Variants in PNPT1 observed in about 807,000 individuals in gnomAD.
The protein encoded by PNPT1 is polyribonucleotide nucleotidyltransferase 1, mitochondrial.
In PNPT1, 53 loss-of-function variants were observed where a neutral mutation model predicts 119.5. The ratio of observed to expected loss-of-function variants is 0.44; its 90% CI spans 0.36 to 0.56. PNPT1 has a LOEUF of 0.56. Among genes scored for constraint, PNPT1 ranks in the 20% least tolerant of loss-of-function variants. The pLI is 0.00. For missense variants in PNPT1, 948 were observed against 938.5 expected (o/e 1.01, Z -0.13); for synonymous variants, 357 against 322.1 (o/e 1.11, Z -1.16).
intron 8 of PNPT1, among the ~76,000 whole-genome samples, chr2:55,673,680 C>T (rs1027438633): frequency 6.6e-6 from 1 of 152,052 alleles, no homozygotes; most frequent in African/African-American, 2.4e-5. Context: ...AATCTCCTGA[C>T]CTTGTGATCT....
intron 4 of PNPT1, 90 bp from the exon 5 acceptor site, chr2:55,683,924 T>A (rs960208526): frequency 1.6e-6 from 2 of 1,285,474 alleles, no homozygotes; most frequent in East Asian, 2.3e-5. Context: ...AGCCATTCAA[T>A]ATGTTTTCAA....
At chr2:55,690,389 G>A (rs372089432) in intron 1 of PNPT1, among the ~76,000 whole-genome samples, 10 of 152,134 alleles carry the variant, frequency 6.6e-5, no homozygotes, top group East Asian at 5.8e-4. Context: ...ACTCAGTTTC[G>A]GCAACATTCT....
Position 55,661,987 on chromosome 2 carries a change from T to A in PNPT1, c.1216A>T (p.Ile406Phe). The A allele has an allele frequency of 6.3e-7, 1 of 1,576,986 alleles. No homozygotes were observed. Among genetic ancestry groups the A allele is most frequent in the Non-Finnish European group, 8.6e-7 (1 of 1,168,326 alleles). Reference protein sequence around the residue: ...TVTFDSLESGIKSDQVITAIN... With the variant: ...TVTFDSLESGFKSDQVITAIN... The stretch of plus-strand genomic sequence containing the variant: ...GCTGTTATAACTTGATCTGACTTAA[T>A]ACCAGATTCTAATGAATCAAATGTA... The change falls in exon 14 of 28, where the codon ATT (isoleucine) becomes TTT (phenylalanine). Residue 406 changes from isoleucine (I) to phenylalanine (F), a missense_variant. Transcript: ENST00000447944.
At chr2:55,668,651 G>A (rs1188960572) in intron 11 of PNPT1, among the ~76,000 whole-genome samples, 2 of 151,942 alleles carry the variant, frequency 1.3e-5, no homozygotes, top group Admixed American at 1.3e-4. Flanking sequence ...CCAGGCTAGA[G>A]TGCAATGGCA....
intron 5 of PNPT1, among the ~76,000 whole-genome samples, chr2:55,681,342 G>T (rs1697241721): frequency 6.6e-6 from 1 of 152,128 alleles, no homozygotes; most frequent in African/African-American, 2.4e-5. Context: ...AGGAGGCAGA[G>T]GTTGCAGTGA....
intron 17 of PNPT1, 29 bp from the exon 18 acceptor site, chr2:55,654,982 T>C (rs887592916): frequency 1.9e-6 from 3 of 1,578,334 alleles, no homozygotes; most frequent in Non-Finnish European, 2.6e-6. Context: ...CTGCTTTATA[T>C]TAAACTGATT....
rs1696302664 is a variant in PNPT1 at position 55,654,094 on chromosome 2, TAAA to T, written c.1495+803_1495+805del. Among the ~76,000 whole-genome samples, 4 of 152,106 alleles carry T rather than the reference TAAA, an allele frequency of 2.6e-5. No individual in the cohort carries two copies. In the South Asian group the frequency reaches 6.2e-4, roughly 24 times the overall value. ...CAATATGGTGAAACCCCGTCTCGACTAAAAATACAAAAATTAGCCAGGCGTGGT... is the reference window on the plus strand; with the variant it reads ...CAATATGGTGAAACCCCGTCTCGACTAATACAAAAATTAGCCAGGCGTGGT... On this transcript the variant is annotated intron_variant, in intron 18 of 27. Coordinates refer to ENST00000447944, the MANE Select transcript of PNPT1 (RefSeq NM_033109.5).
intron 14 of PNPT1, among the ~76,000 whole-genome samples, chr2:55,660,958 C>T (rs1182980348): frequency 1.3e-5 from 2 of 152,002 alleles, no homozygotes; most frequent in African/African-American, 2.4e-5. Context: ...AAAGGAGGGC[C>T]GAGCCTTGTG....
At chr2:55,638,166 G>A (rs566129604) in intron 26 of PNPT1, among the ~76,000 whole-genome samples, 17 of 151,856 alleles carry the variant, frequency 1.1e-4, no homozygotes, top group African/African-American at 3.4e-4. Context: ...GCTGGGTGTC[G>A]TGGCACACGC....
At chr2:55,672,168 A>G (rs1165780722) in intron 9 of PNPT1, 122 bp from the exon 10 acceptor site, 2 of 713,218 alleles carry the variant, frequency 2.8e-6, no homozygotes, top group Admixed American at 6.1e-5. Context: ...TACTTCAGAA[A>G]GAATTGAAAA....
At chr2:55,637,244 C>G (rs189179746) in intron 27 of PNPT1, among the ~76,000 whole-genome samples, 2 of 152,292 alleles carry the variant, frequency 1.3e-5, no homozygotes, top group Admixed American at 6.5e-5. Context: ...AACAAGTTAC[C>G]TTATCACAGT....
intron 2 of PNPT1, 112 bp from the exon 3 acceptor site, chr2:55,686,556 C>T (rs1697411535): frequency 1.4e-6 from 1 of 712,206 alleles, no homozygotes; most frequent in Non-Finnish European, 2.3e-6. Context: ...ATATCTAATT[C>T]TACGACACGA....
At chr2:55,647,302 T>G (rs1438243164) in intron 19 of PNPT1, 45 bp downstream of exon 19, 1 of 1,415,142 alleles carries the variant, frequency 7.1e-7, no homozygotes, top group Admixed American at 2.0e-5. Flanking sequence ...ATTTATTTAT[T>G]TTTAGTCTTC....
In PNPT1 at chr2:55,637,534, A is replaced by C; in HGVS notation, c.2196+18T>G. On this transcript the variant is annotated intron_variant, in intron 27 of 27. Transcript: ENST00000447944. ...GAACAATTTACAACTTCAAGGCTAA[A>C]AGGTGGAATACAAATACCTGAATTT... 1 of 1,583,248 alleles carries C rather than the reference A, an allele frequency of 6.3e-7. No homozygotes were observed. The highest frequency in any genetic ancestry group is 8.7e-7 in the Non-Finnish European group (1 of 1,152,302).
intron 25 of PNPT1, 68 bp downstream of exon 25, chr2:55,643,090 G>C (rs1695883478): frequency 6.5e-7 from 1 of 1,532,460 alleles, no homozygotes; most frequent in Non-Finnish European, 9.0e-7. Context: ...TCCCACTGTG[G>C]GTGGCAGGGT....
intron 15 of PNPT1, 147 bp from the exon 16 acceptor site, chr2:55,656,518 C>T (rs573255528): frequency 2.9e-5 from 21 of 719,328 alleles, no homozygotes; most frequent in East Asian, 5.5e-5. Context: ...ATACAGAAAA[C>T]GTATGATATA....
rs17047170 is a variant in PNPT1 at position 55,680,169 on chromosome 2, T to C, written c.566-374A>G. ...CCTGACCACACAAAATCAAATCTGC[T>C]CTTCTCTATCATATTCTTAGCACTT... On this transcript the variant is annotated intron_variant, in intron 7 of 27. Transcript: ENST00000447944. Among the ~76,000 whole-genome samples the C allele has an allele frequency of 7.5e-3, 1,148 of 152,302 alleles. 20 individuals are homozygous for C. The highest frequency in any genetic ancestry group is 0.026 in the African/African-American group (1,098 of 41,568).
At chr2:55,645,278 C>T (rs780856415) in intron 22 of PNPT1, 71 bp downstream of exon 22, 3 of 1,014,852 alleles carry the variant, frequency 3.0e-6, no homozygotes, top group Non-Finnish European at 4.5e-6. Context: ...CTCGCCTCGG[C>T]CTCCCAAAGT....
chr2:55,661,605 C>T (rs1240834609), intron 14 of PNPT1, among the ~76,000 whole-genome samples: 2 of 152,120 alleles, frequency 1.3e-5, no homozygotes, highest in African/African-American at 2.4e-5. Context: ...TTATTTTCAG[C>T]AATGGGAGCT....
Sources: gnomAD v4.1 joint callset for allele counts (sites outside exome capture counted in the v4.1 genomes callset) on GRCh38, gnomAD v4.1.1 for gene constraint, MANE v1.5 for transcripts, NCBI Gene and HGNC (gene_info 2026-07-23, HGNC 2026-07-21) for gene names.